LIX1: variants seen among roughly 807,000 people sequenced by gnomAD.
LIX1 encodes the protein protein limb expression 1 homolog.
A neutral mutation model predicts 33.4 loss-of-function variants in LIX1; 24 were observed. The observed-to-expected ratio is 0.72, with a 90% confidence interval of 0.52 to 1.01. The LOEUF is 1.01. LIX1 is among the 50% of genes least tolerant of loss of function. LIX1 has a pLI of 0.00. For missense variants in LIX1, 311 were observed against 339.2 expected, an observed-to-expected ratio of 0.92 and a Z score of 0.65; for synonymous variants, 124 against 124.0, an observed-to-expected ratio of 1.00 and a Z score of 0.00.
chr5:97,105,458 C>T (rs1028693903), intron 3 of LIX1, among the ~76,000 whole-genome samples, 173 bp from the exon 4 acceptor site: 2 of 152,140 alleles, frequency 1.3e-5, no homozygotes, highest in Non-Finnish European at 2.9e-5. Context: ...TTGAATTGAG[C>T]GTTTGATAGA....
intron 2 of LIX1, among the ~76,000 whole-genome samples, chr5:97,116,053 G>C (rs1049642398): frequency 6.6e-6 from 1 of 152,128 alleles, no homozygotes; most frequent in East Asian, 1.9e-4. Context: ...CTTGGAGTCC[G>C]ACTTTTAGCA....
intron 1 of LIX1, among the ~76,000 whole-genome samples, chr5:97,137,946 T>C (rs1281353266): frequency 6.6e-6 from 1 of 152,208 alleles, no homozygotes; most frequent in Non-Finnish European, 1.5e-5. Context: ...ATGCTGCATA[T>C]AGCTAGATTC....
At chr5:97,106,449 T>C (rs1747034484) in intron 3 of LIX1, among the ~76,000 whole-genome samples, 1 of 152,240 alleles carries the variant, frequency 6.6e-6, no homozygotes, top group African/African-American at 2.4e-5. Flanking sequence ...TCCTTCATCA[T>C]CATCAGCTTC....
At chr5:97,103,973 A>G (rs59849832) in intron 4 of LIX1, among the ~76,000 whole-genome samples, 2 of 65,368 alleles carry the variant, frequency 3.1e-5, no homozygotes, top group South Asian at 5.2e-4. Flanking sequence ...TCAAAAAAGA[A>G]AAAAAAAAAA....
rs566252497 is a variant in LIX1 at position 97,126,641 on chromosome 5, T to C, written c.83-2012A>G. 4.3e-3 allele frequency among the ~76,000 whole-genome samples: 632 copies of C among 146,542 alleles called. 2 individuals carry two copies. Among genetic ancestry groups the C allele is most frequent in the African/African-American group, 0.014 (540 of 39,908 alleles). ...ATTTGAAATAATATTTTCTTTCTTT[T>C]TTTTTTTTTTTTTTTTGAGACAGAG... On this transcript the variant is annotated intron_variant, in intron 1 of 5. Coordinates refer to ENST00000274382, the MANE Select transcript of LIX1 (RefSeq NM_153234.5).
Position 97,142,531 on chromosome 5 carries a change from A to G in LIX1, c.46T>C (p.Leu16=). The G allele has an allele frequency of 1.2e-6, 2 of 1,614,094 alleles. No individual in the cohort carries two copies. The highest frequency in any genetic ancestry group is 1.7e-6 in the Non-Finnish European group (2 of 1,179,944). The change falls in exon 1 of 6, where the codon TTG becomes CTG. Residue 16 remains leucine, a synonymous_variant. Coordinates refer to ENST00000274382, the MANE Select transcript of LIX1 (RefSeq NM_153234.5). ...ACTAGAGCCGGATCTCTGTGAGGCA[A>G]GACTTGGGCAATGATGTGTCTCAGA... The part of the protein sequence containing the change: ...ESLRHIIAQV[L]PHRDPALVFK...
In LIX1 at chr5:97,093,330, AAG is replaced by A. The variant is rs1351864437; in HGVS notation, c.*1416_*1417del. 1 of 152,322 alleles carries A rather than the reference AAG, an allele frequency of 6.6e-6. No individual in the cohort carries two copies. Among genetic ancestry groups the A allele is most frequent in the Non-Finnish European group, 1.5e-5 (1 of 68,036 alleles). The allele number at this position is 152,322 out of a possible 1,614,324, so 9.4% of individuals were successfully genotyped here. A position where few individuals can be genotyped will look rare whatever the true frequency, so the allele number is the denominator to read the frequency against. On this transcript the variant is annotated 3_prime_UTR_variant, in exon 6 of 6. Coordinates refer to ENST00000274382, the MANE Select transcript of LIX1 (RefSeq NM_153234.5). ...TATGCACTTGCATAAACAAAAGAAAAAGAAATTATTTTAAATTGAGAAAAACA... is the reference window on the plus strand; with the variant it reads ...TATGCACTTGCATAAACAAAAGAAAAAAATTATTTTAAATTGAGAAAAACA...
chr5:97,125,616 C>A (rs1003822443), intron 1 of LIX1, among the ~76,000 whole-genome samples: 4 of 152,184 alleles, frequency 2.6e-5, no homozygotes, highest in African/African-American at 4.8e-5. Context: ...TGCAGAGGGT[C>A]TACTTCTCAT....
intron 1 of LIX1, among the ~76,000 whole-genome samples, chr5:97,139,320 A>T (rs1748236467): frequency 6.6e-6 from 1 of 152,270 alleles, no homozygotes; most frequent in African/African-American, 2.4e-5. Flanking sequence ...TTGAAGAAAG[A>T]GCTCAAAGAT....
chr5:97,127,603 C>T (rs1422671451), intron 1 of LIX1, among the ~76,000 whole-genome samples: 1 of 152,194 alleles, frequency 6.6e-6, no homozygotes, highest in African/African-American at 2.4e-5. Flanking sequence ...AGAAAATGCT[C>T]TATTTATGAA....
chr5:97,105,078 A>T, intron 4 of LIX1, 112 bp downstream of exon 4: 1 of 976,364 alleles, frequency 1.0e-6, no homozygotes, highest in South Asian at 1.5e-5. Context: ...ATGACCAAAA[A>T]CACTTAAGAC....
rs1399737169 is a variant in LIX1 at position 97,142,596 on chromosome 5, G to A, written c.-20C>T. 43 of 1,600,324 alleles carry A rather than the reference G, an allele frequency of 2.7e-5. No homozygotes were observed. Among genetic ancestry groups the A allele is most frequent in the Non-Finnish European group, 3.7e-5 (43 of 1,167,692 alleles). On this transcript the variant is annotated 5_prime_UTR_variant, in exon 1 of 6. Transcript: ENST00000274382. The stretch of plus-strand genomic sequence containing the variant: ...GTCCATCTTGGGTCTGCCTGTGTGA[G>A]CCTCCTGTACAGAGTGTCCTCATGC...
chr5:97,097,999 G>C (rs1746481896), intron 4 of LIX1, among the ~76,000 whole-genome samples: 1 of 152,162 alleles, frequency 6.6e-6, no homozygotes, highest in African/African-American at 2.4e-5. Flanking sequence ...GCCCTTTTCT[G>C]CCTAAAGCCA....
At chr5:97,099,557 G>A (rs1042371334) in intron 4 of LIX1, among the ~76,000 whole-genome samples, 5 of 152,286 alleles carry the variant, frequency 3.3e-5, no homozygotes, top group Non-Finnish European at 7.4e-5. Context: ...ATAAATATTG[G>A]CCAGGTGTGG....
chr5:97,102,958 A>C, intron 4 of LIX1: 2 of 412,422 alleles, frequency 4.8e-6, no homozygotes. Flanking sequence ...CAGATGCTTT[A>C]TAAATGTTAC....
chr5:97,128,904 A>T (rs1747992595), intron 1 of LIX1, among the ~76,000 whole-genome samples: 1 of 152,120 alleles, frequency 6.6e-6, no homozygotes, highest in African/African-American at 2.4e-5. Flanking sequence ...CCAGCCTCCC[A>T]TCCAACCTAT....
intron 4 of LIX1, chr5:97,101,655 C>A (rs1053489750): frequency 6.6e-6 from 1 of 152,200 alleles, no homozygotes; most frequent in African/African-American, 2.4e-5. Flanking sequence ...GGGGCTCTGT[C>A]CTCACAGCCT....
intron 5 of LIX1, among the ~76,000 whole-genome samples, chr5:97,095,541 A>G (rs995728526): frequency 1.3e-5 from 2 of 152,238 alleles, no homozygotes; most frequent in African/African-American, 4.8e-5. Context: ...AGGAGAATCA[A>G]CTGTGGTATT....
At chr5:97,120,704 G>T (rs995204925) in intron 2 of LIX1, among the ~76,000 whole-genome samples, 2 of 152,170 alleles carry the variant, frequency 1.3e-5, no homozygotes, top group Non-Finnish European at 2.9e-5. Context: ...TGTCAGAAGA[G>T]GAAATCGGGG....
Sources: gnomAD v4.1 joint callset for allele counts (sites outside exome capture counted in the v4.1 genomes callset) on GRCh38, gnomAD v4.1.1 for gene constraint, MANE v1.5 for transcripts, NCBI Gene and HGNC (gene_info 2026-07-23, HGNC 2026-07-21) for gene names.